The following FGD6 variants were observed in gnomAD, a reference collection of about 807,000 sequenced individuals.
The protein encoded by FGD6 is FYVE, RhoGEF and PH domain-containing protein 6.
Under a neutral mutation model 149.4 loss-of-function variants are expected in FGD6, and 90 were observed. That is an observed-to-expected ratio of 0.60 (90% CI 0.51 to 0.72). The LOEUF is 0.72. Among genes scored for constraint, FGD6 ranks in the 30% least tolerant of loss-of-function variants. The pLI is 0.00. For synonymous variants in FGD6, 527 were observed against 584.0 expected (o/e 0.90, Z 1.41); for missense variants, 1,437 against 1,684.8 (o/e 0.85, Z 2.57).
intron 1 of FGD6, among the ~76,000 whole-genome samples, chr12:95,213,397 A>G (rs2056737531): frequency 6.6e-6 from 1 of 152,210 alleles, no homozygotes; most frequent in Non-Finnish European, 1.5e-5. Flanking sequence ...TGGGCAACAC[A>G]GTAAGACTCC....
chr12:95,217,155 T>A (rs2056826664), intron 1 of FGD6, 70 bp downstream of exon 1: 2 of 1,602,336 alleles, frequency 1.2e-6, no homozygotes, highest in South Asian at 2.2e-5. Flanking sequence ...CGAAGAAAGT[T>A]GCTCGCGAGC....
In FGD6 at chr12:95,078,469, C is replaced by T. The variant is rs2136227290; in HGVS notation, c.*3051G>A. On this transcript the variant is annotated 3_prime_UTR_variant, in exon 21 of 21. Coordinates refer to ENST00000343958, the MANE Select transcript of FGD6 (RefSeq NM_018351.4). ...TTCTATGAACCAAATATAAAATACA[C>T]ATTTGGCTGACAATTATACTTTAAA... The T allele has an allele frequency of 6.6e-6, 1 of 152,322 alleles. No individual in the cohort carries two copies. Among genetic ancestry groups the T allele is most frequent in the South Asian group, 2.1e-4 (1 of 4,828 alleles). 9.4% of individuals were successfully genotyped at this position (152,322 alleles called of 1,614,324 possible). A position where few individuals can be genotyped will look rare whatever the true frequency, so the allele number is the denominator to read the frequency against.
intron 3 of FGD6, among the ~76,000 whole-genome samples, chr12:95,162,138 T>C (rs974695352): frequency 6.7e-6 from 1 of 148,580 alleles, no homozygotes; most frequent in Non-Finnish European, 1.5e-5. Flanking sequence ...TGGTGGCATG[T>C]GCCTGTAGTT....
intron 5 of FGD6, among the ~76,000 whole-genome samples, chr12:95,149,417 CTA>C (rs1226148472): frequency 8.4e-6 from 1 of 119,038 alleles, no homozygotes; most frequent in Non-Finnish European, 1.6e-5. Context: ...ATATAGCATA[CTA>C]TATAATATAT....
intron 14 of FGD6, among the ~76,000 whole-genome samples, chr12:95,099,214 G>A (rs904952518): frequency 2.0e-5 from 3 of 152,248 alleles, no homozygotes; most frequent in South Asian, 2.1e-4. Context: ...GTCCCGATGC[G>A]CAGCACAATG....
intron 14 of FGD6, among the ~76,000 whole-genome samples, chr12:95,103,325 T>C (rs1167520682): frequency 6.6e-6 from 1 of 152,224 alleles, no homozygotes; most frequent in Non-Finnish European, 1.5e-5. Context: ...GAGCATGCTA[T>C]GACTATTGGC....
At chr12:95,187,851 T>C (rs1327820093) in intron 2 of FGD6, among the ~76,000 whole-genome samples, 1 of 152,202 alleles carries the variant, frequency 6.6e-6, no homozygotes, top group African/African-American at 2.4e-5. Context: ...GGTAGCTTAC[T>C]ACTTGTACAG....
chr12:95,116,485 C>T (rs1051461985), intron 8 of FGD6, among the ~76,000 whole-genome samples: 6 of 152,120 alleles, frequency 3.9e-5, no homozygotes, highest in African/African-American at 1.4e-4. Flanking sequence ...ACCAAAAGGG[C>T]TCCCCAGAAG....
chr12:95,140,637 T>G (rs1021120561), intron 6 of FGD6, among the ~76,000 whole-genome samples: 8 of 152,038 alleles, frequency 5.3e-5, no homozygotes, highest in Non-Finnish European at 1.2e-4. Context: ...AAAAAATTGC[T>G]TTTCCAAAAC....
At chr12:95,207,897 G>C (rs989500062) in intron 2 of FGD6, among the ~76,000 whole-genome samples, 1 of 152,082 alleles carries the variant, frequency 6.6e-6, no homozygotes, top group Non-Finnish European at 1.5e-5. Flanking sequence ...ATTGAGGATG[G>C]GCACGATTTT....
chr12:95,130,059 C>T (rs975106639), intron 8 of FGD6, among the ~76,000 whole-genome samples: 1 of 152,114 alleles, frequency 6.6e-6, no homozygotes, highest in African/African-American at 2.4e-5. Context: ...CCGGTTTGAA[C>T]TGATCTTAAA....
At position 95,081,996 on chromosome 12, in the gene FGD6, T is replaced by C. The variant is rs571853758; in HGVS notation, c.4257-440A>G. 3.9e-5 allele frequency among the ~76,000 whole-genome samples: 6 copies of C among 152,068 alleles called. No homozygotes were observed. The South Asian group carries it at 8.3e-4, about 21-fold the overall frequency. On this transcript the variant is annotated intron_variant, in intron 20 of 20. Coordinates refer to ENST00000343958, the MANE Select transcript of FGD6 (RefSeq NM_018351.4). The stretch of plus-strand genomic sequence containing the variant: ...CAGTAAGATCTTTTCTTGCAGCAAA[T>C]TGGCCTTCTGCATACATGGAACTAC...
chr12:95,148,539 AGC>A (rs1350006247), intron 5 of FGD6, among the ~76,000 whole-genome samples: 4 of 130,606 alleles, frequency 3.1e-5, no homozygotes, highest in East Asian at 2.1e-4. Context: ...TATAATATAT[AGC>A]ATATATTATA....
intron 2 of FGD6, among the ~76,000 whole-genome samples, chr12:95,174,842 G>A (rs1881086354): frequency 6.7e-6 from 1 of 148,568 alleles, no homozygotes; most frequent in South Asian, 2.1e-4. Flanking sequence ...GCAGAGAATG[G>A]CGTGAACCCG....
intron 12 of FGD6, 66 bp from the exon 13 acceptor site, chr12:95,107,103 A>C: frequency 8.6e-7 from 1 of 1,157,740 alleles, no homozygotes; most frequent in Non-Finnish European, 1.3e-6. Flanking sequence ...GATTTTGACA[A>C]GATACAAGAT....
chr12:95,097,426 A>G, intron 14 of FGD6, among the ~76,000 whole-genome samples: 1 of 152,086 alleles, frequency 6.6e-6, no homozygotes, highest in East Asian at 1.9e-4. Context: ...ACCTGACGTC[A>G]GGAGTTCGAG....
chr12:95,130,472 A>C (rs182856049), intron 8 of FGD6, among the ~76,000 whole-genome samples: 1 of 152,358 alleles, frequency 6.6e-6, no homozygotes, highest in African/African-American at 2.4e-5. Flanking sequence ...CCAAAATGGA[A>C]ATAAAAGTAC....
intron 8 of FGD6, among the ~76,000 whole-genome samples, chr12:95,118,877 T>C (rs1417162874): frequency 1.3e-5 from 2 of 152,234 alleles, no homozygotes; most frequent in African/African-American, 2.4e-5. Flanking sequence ...AACAAAGTAC[T>C]GATCATTTTA....
Position 95,104,983 on chromosome 12 carries a change from AAAAAAG to A in FGD6, c.3497+18_3497+23del, listed in dbSNP as rs746595532. 6.2e-5 allele frequency: 97 copies of A among 1,566,332 alleles called. No homozygotes were observed. The highest frequency in any genetic ancestry group is 3.2e-4 in the South Asian group (27 of 83,090). ...AGACTCAGAATGAGAAAAAAAAAAA[AAAAAAG>A]AAGAAGAAAAAATTTACCTGGCTGA... On this transcript the variant is annotated intron_variant, in intron 14 of 20. Coordinates refer to ENST00000343958, the MANE Select transcript of FGD6 (RefSeq NM_018351.4).
Sources: gnomAD v4.1 joint callset for allele counts (sites outside exome capture counted in the v4.1 genomes callset) on GRCh38, gnomAD v4.1.1 for gene constraint, MANE v1.5 for transcripts, NCBI Gene and HGNC (gene_info 2026-07-23, HGNC 2026-07-21) for gene names.